The following MAP3K7CL variants were observed in gnomAD, a reference collection of about 807,000 sequenced individuals.
The protein encoded by MAP3K7CL is MAP3K7 C-terminal like, also known as MAP3K7 C-terminal-like protein.
A neutral mutation model predicts 18.6 loss-of-function variants in MAP3K7CL; 16 were observed. That is an observed-to-expected ratio of 0.86 (90% CI 0.58 to 1.31). MAP3K7CL has a LOEUF of 1.31. Among genes scored for constraint, MAP3K7CL ranks in the 50% most tolerant of loss-of-function variants. The probability of loss-of-function intolerance (pLI) is 0.00; values close to 1 mark genes in which losing one functional copy is unlikely to be tolerated. For synonymous variants in MAP3K7CL, 65 were observed against 66.8 expected, an observed-to-expected ratio of 0.97 and a Z score of 0.13; for missense variants, 163 against 174.4, an observed-to-expected ratio of 0.93 and a Z score of 0.37.
intron 4 of MAP3K7CL, among the ~76,000 whole-genome samples, chr21:29,112,325 A>C (rs1030764024): frequency 6.6e-6 from 1 of 152,096 alleles, no homozygotes; most frequent in African/African-American, 2.4e-5. Flanking sequence ...AAAATAAAAC[A>C]TAAAAAAATC....
In MAP3K7CL at chr21:29,166,086, A is replaced by C. The variant is rs148366475; in HGVS notation, c.248+6030A>C. On this transcript the variant is annotated intron_variant, in intron 4 of 4. Transcript: ENST00000399928. ...AACTACAGTCACCCTACTGTGCAGGAGAACACCAGAAGTTATTCCTCCTGT... is the reference window on the plus strand; with the variant it reads ...AACTACAGTCACCCTACTGTGCAGGCGAACACCAGAAGTTATTCCTCCTGT... 5.7e-3 allele frequency among the ~76,000 whole-genome samples: 861 copies of C among 152,312 alleles called. 4 individuals carry two copies. The highest frequency in any genetic ancestry group is 0.02 in the African/African-American group (822 of 41,546).
intron 2 of MAP3K7CL, among the ~76,000 whole-genome samples, chr21:29,137,694 G>A (rs1159288305): frequency 2.0e-5 from 3 of 152,096 alleles, no homozygotes; most frequent in Non-Finnish European, 4.4e-5. Flanking sequence ...ACTGAGCTGT[G>A]GAAGAGTAAC....
intron 4 of MAP3K7CL, among the ~76,000 whole-genome samples, chr21:29,173,321 G>A (rs973162983): frequency 2.0e-5 from 3 of 152,170 alleles, no homozygotes; most frequent in African/African-American, 7.2e-5. Flanking sequence ...TCTTTATGTA[G>A]ATCTTCTTTT....
At chr21:29,092,641 C>T in intron 4 of MAP3K7CL, 4 of 1,592,760 alleles carry the variant, frequency 2.5e-6, no homozygotes, top group Non-Finnish European at 3.4e-6. Context: ...ACACACTGCA[C>T]CATGGGAGCC....
At chr21:29,097,447 CA>C in intron 4 of MAP3K7CL, among the ~76,000 whole-genome samples, 1 of 152,130 alleles carries the variant, frequency 6.6e-6, no homozygotes, top group South Asian at 2.1e-4. Flanking sequence ...GGAGGTAGAA[CA>C]AAATTAAAAT....
chr21:29,100,075 T>A (rs997845802), intron 4 of MAP3K7CL, among the ~76,000 whole-genome samples: 1 of 121,628 alleles, frequency 8.2e-6, no homozygotes, highest in African/African-American at 3.3e-5. Flanking sequence ...AGAGCGAGAC[T>A]CCGTCTTTAA....
In MAP3K7CL at chr21:29,095,095, AGAGGAGAGGG is replaced by A. The variant is rs2086097969; in HGVS notation, c.370+2519_370+2528del. Among the ~76,000 whole-genome samples, 2 of 131,934 alleles carry A rather than the reference AGAGGAGAGGG, an allele frequency of 1.5e-5. 1 individual carries two copies. The highest frequency in any genetic ancestry group is 5.6e-4 in the South Asian group (2 of 3,556). The allele number at this position is 131,934 out of a possible 152,430, so 86.6% of individuals were successfully genotyped here. On this transcript the variant is annotated intron_variant, in intron 4 of 6. Coordinates refer to the MAP3K7CL transcript ENST00000286791. ...AAAGGGAAGGGGAGGGGAAGGGAGC[AGAGGAGAGGG>A]GAGGGGAGGGGAAGGGAAGGTTAGG...
chr21:29,133,309 G>A lies in MAP3K7CL; in HGVS notation c.-36G>A. 6.5e-7 allele frequency: 1 copy of A among 1,549,990 alleles called. No individual in the cohort carries two copies. Among genetic ancestry groups the A allele is most frequent in the Non-Finnish European group, 8.7e-7 (1 of 1,146,542 alleles). Reference sequence around the variant, plus strand: ...TGGCTCTCTCTTGCTGTCACAGCTGGAAGACCCAGGAGAAGGCGGAGGCTC... The same window carrying A: ...TGGCTCTCTCTTGCTGTCACAGCTGAAAGACCCAGGAGAAGGCGGAGGCTC... On this transcript the variant is annotated 5_prime_UTR_variant, in exon 2 of 5. Transcript: ENST00000399928.
chr21:29,171,769 C>T (rs1378056865), intron 4 of MAP3K7CL, among the ~76,000 whole-genome samples: 15 of 146,800 alleles, frequency 1.0e-4, no homozygotes, highest in African/African-American at 3.0e-4. Context: ...ATCACGCCAC[C>T]GCACTCCAGT....
At chr21:29,150,534 C>T (rs79943830) in intron 3 of MAP3K7CL, among the ~76,000 whole-genome samples, 372 of 152,202 alleles carry the variant, frequency 2.4e-3, no homozygotes, top group African/African-American at 8.4e-3. Context: ...TATAGGAGGT[C>T]GGAGGGTTAC....
intron 4 of MAP3K7CL, chr21:29,092,720 T>A: frequency 1.2e-6 from 1 of 838,536 alleles, no homozygotes; most frequent in Non-Finnish European, 1.8e-6. Context: ...CTCTACGACG[T>A]GCTGGGTGTT....
chr21:29,095,722 A>T (rs1346752729), intron 4 of MAP3K7CL, among the ~76,000 whole-genome samples: 1 of 152,208 alleles, frequency 6.6e-6, no homozygotes, highest in African/African-American at 2.4e-5. Context: ...GATCTTGTTA[A>T]AATGTTTCTA....
intron 2 of MAP3K7CL, among the ~76,000 whole-genome samples, chr21:29,148,507 A>C (rs2087195973): frequency 6.6e-6 from 1 of 152,220 alleles, no homozygotes; most frequent in African/African-American, 2.4e-5. Flanking sequence ...GCCATCCAGC[A>C]ACAGCTGCCT....
chr21:29,098,084 A>G (rs2086155241), intron 4 of MAP3K7CL, among the ~76,000 whole-genome samples: 1 of 152,222 alleles, frequency 6.6e-6, no homozygotes, highest in South Asian at 2.1e-4. Flanking sequence ...TTCAAGTGCC[A>G]AGAGGCACAT....
At chr21:29,134,147 A>T (rs2146631605) in intron 2 of MAP3K7CL, among the ~76,000 whole-genome samples, 1 of 151,982 alleles carries the variant, frequency 6.6e-6, no homozygotes, top group Non-Finnish European at 1.5e-5. Flanking sequence ...AAACAACATT[A>T]CCATTTAAAC....
chr21:29,103,729 T>G (rs1383950629), intron 4 of MAP3K7CL, among the ~76,000 whole-genome samples: 3 of 150,804 alleles, frequency 2.0e-5, no homozygotes, highest in African/African-American at 4.9e-5. Context: ...AGTGAGACTT[T>G]GTCTCAAAAA....
intron 4 of MAP3K7CL, among the ~76,000 whole-genome samples, chr21:29,119,115 A>C (rs548325224): frequency 5.3e-4 from 81 of 152,312 alleles, no homozygotes; most frequent in Non-Finnish European, 9.3e-4. Context: ...ACACCATCCC[A>C]CACACAAATA....
At chr21:29,100,700 C>CTTTTTT (rs34749282) in intron 4 of MAP3K7CL, among the ~76,000 whole-genome samples, 1 of 68,650 alleles carries the variant, frequency 1.5e-5, no homozygotes. Flanking sequence ...AAACAGCAAA[C>CTTTTTT]TTTTTTTTTT....
At chr21:29,138,102 G>A (rs2086923806) in intron 2 of MAP3K7CL, among the ~76,000 whole-genome samples, 1 of 152,178 alleles carries the variant, frequency 6.6e-6, no homozygotes, top group South Asian at 2.1e-4. Context: ...AGAATGAGCT[G>A]TAAGACTTTG....
Sources: allele counts gnomAD v4.1 joint callset (sites outside exome capture counted in the v4.1 genomes callset), GRCh38; gene constraint gnomAD v4.1.1; transcripts MANE v1.5; gene names NCBI Gene and HGNC (gene_info 2026-07-23, HGNC 2026-07-21).